ESR1: variants seen among roughly 807,000 people sequenced by gnomAD.
ESR1 encodes estrogen receptor.
A neutral mutation model predicts 52.7 loss-of-function variants in ESR1; 12 were observed. The observed-to-expected ratio is 0.23, with a 90% CI of 0.15 to 0.37. ESR1 has a LOEUF of 0.37. Ranked by LOEUF, ESR1 falls within the 10% of genes least tolerant of loss-of-function variation. The pLI is 1.00. For synonymous variants in ESR1, 305 were observed against 316.8 expected, an observed-to-expected ratio of 0.96 and a Z score of 0.39; for missense variants, 584 against 779.7, an observed-to-expected ratio of 0.75 and a Z score of 2.99.
chr6:151,776,834 C>T lies in ESR1; in HGVS notation c.-70-31009C>T, dbSNP rs531991844. Among the ~76,000 whole-genome samples, 14 of 149,258 alleles carry T rather than the reference C, an allele frequency of 9.4e-5. No homozygotes were observed. In the South Asian group the frequency reaches 1.7e-3, roughly 18 times the overall value. Reference sequence around the variant, plus strand: ...GCCTGGGCAACAAAGAGTGAAACTCCGTCTTAAAAAAAAAAAAAAGGAAAA... The same window carrying T: ...GCCTGGGCAACAAAGAGTGAAACTCTGTCTTAAAAAAAAAAAAAAGGAAAA... On this transcript the variant is annotated intron_variant, in intron 2 of 2. Coordinates refer to the ESR1 transcript ENST00000404742.
At chr6:151,817,572 C>A (rs1167107985) in intron 1 of ESR1, among the ~76,000 whole-genome samples, 1 of 152,180 alleles carries the variant, frequency 6.6e-6, no homozygotes, top group Admixed American at 6.5e-5. Context: ...AATTCTACTC[C>A]TCAGCTTTCC....
At chr6:152,012,837 T>G (rs2042889694) in intron 5 of ESR1, among the ~76,000 whole-genome samples, 1 of 152,218 alleles carries the variant, frequency 6.6e-6, no homozygotes, top group South Asian at 2.1e-4. Context: ...GCTGCCAGGC[T>G]GCCCACAGTG....
At position 152,094,703 on chromosome 6, in the gene ESR1, C is replaced by T. The variant is rs1585229961; in HGVS notation, c.1553+135C>T. 1 of 815,410 alleles carries T rather than the reference C, an allele frequency of 1.2e-6. No individual in the cohort carries two copies. The highest frequency in any genetic ancestry group is 2.0e-6 in the Non-Finnish European group (1 of 494,374). 50.5% of individuals were successfully genotyped at this position (815,410 alleles called of 1,614,324 possible). A position where few individuals can be genotyped will look rare whatever the true frequency, so the allele number is the denominator to read the frequency against. ...GTGACAGTTCCTGGCATAGAATAAG[C>T]ATAAATGCTATAGGAGGACAGAAGA... On this transcript the variant is annotated intron_variant, in intron 7 of 7. Coordinates refer to ENST00000206249, the MANE Select transcript of ESR1 (RefSeq NM_000125.4). The surrounding 1 kb of genome is among the most constrained non-coding windows in gnomAD (Gnocchi z 4.6).
chr6:151,887,939 G>A (rs927430898), intron 3 of ESR1, among the ~76,000 whole-genome samples: 1 of 152,138 alleles, frequency 6.6e-6, no homozygotes, highest in African/African-American at 2.4e-5. Context: ...ATTTATCAAA[G>A]AAACTGTCCT....
intron 5 of ESR1, among the ~76,000 whole-genome samples, chr6:152,051,743 C>T (rs2046696719): frequency 1.3e-5 from 2 of 152,162 alleles, no homozygotes; most frequent in South Asian, 4.2e-4. Context: ...CACAGGGAGT[C>T]CCTGGTTTTC....
At chr6:151,704,063 C>G (rs1000630200) in intron 2 of ESR1, among the ~76,000 whole-genome samples, 2 of 152,132 alleles carry the variant, frequency 1.3e-5, no homozygotes, top group Non-Finnish European at 2.9e-5. Flanking sequence ...ATATTTGGCT[C>G]TATTAATATT....
chr6:151,822,283 A>G (rs1335402534), intron 1 of ESR1, among the ~76,000 whole-genome samples: 1 of 152,230 alleles, frequency 6.6e-6, no homozygotes, highest in African/African-American at 2.4e-5. Flanking sequence ...TGAAGTTAGT[A>G]TGGACTTCTT....
chr6:152,079,017 G>A (rs1259538976), intron 6 of ESR1, among the ~76,000 whole-genome samples: 1 of 152,222 alleles, frequency 6.6e-6, no homozygotes, highest in East Asian at 1.9e-4. Flanking sequence ...GCTCAGCAAG[G>A]CCTACTGCCT....
At chr6:151,954,443 G>C (rs2036675642) in intron 4 of ESR1, among the ~76,000 whole-genome samples, 1 of 152,148 alleles carries the variant, frequency 6.6e-6, no homozygotes, top group African/African-American at 2.4e-5. Context: ...TAAATGAAGG[G>C]GAAATGTAAT....
At chr6:151,764,276 AT>A (rs895226332) in intron 2 of ESR1, among the ~76,000 whole-genome samples, 1 of 151,788 alleles carries the variant, frequency 6.6e-6, no homozygotes, top group African/African-American at 2.4e-5. Context: ...TTATTTATTT[AT>A]TTTTTTTCTG....
intron 4 of ESR1, among the ~76,000 whole-genome samples, chr6:152,007,655 T>TATC (rs1191141565): frequency 1.3e-5 from 2 of 152,134 alleles, no homozygotes; most frequent in African/African-American, 4.8e-5. Context: ...CACTTAGTCT[T>TATC]ATCAAACTAT....
intron 1 of ESR1, among the ~76,000 whole-genome samples, chr6:151,693,628 T>G (rs547235694): frequency 6.6e-6 from 1 of 151,414 alleles, no homozygotes; most frequent in African/African-American, 2.5e-5. Flanking sequence ...CTATGCTGAT[T>G]TTTTTTTGAG....
chr6:151,658,286 A>G (rs985512159), intron 1 of ESR1, among the ~76,000 whole-genome samples: 1 of 152,206 alleles, frequency 6.6e-6, no homozygotes, highest in Non-Finnish European at 1.5e-5. Flanking sequence ...CCTTTTCCGT[A>G]TCTCTAAATA....
rs144077743 is a variant in ESR1, at chr6:151,978,769, C to T, written c.1097-32887C>T. 1.8e-3 allele frequency among the ~76,000 whole-genome samples: 270 copies of T among 152,090 alleles called. 2 individuals carry two copies. Among genetic ancestry groups the T allele is most frequent in the Non-Finnish European group, 2.8e-3 (188 of 67,978 alleles). On this transcript the variant is annotated intron_variant, in intron 4 of 7. Transcript: ENST00000206249. ...TAAAATAGTGTACATTGTAAAATTA[C>T]ATTTCAAAAAAAGAGGGTAGTATAA...
chr6:151,920,324 C>A (rs2128460486), intron 3 of ESR1, among the ~76,000 whole-genome samples: 2 of 149,278 alleles, frequency 1.3e-5, no homozygotes, highest in African/African-American at 4.9e-5. Flanking sequence ...TTGAAGAAAG[C>A]AAACTTTAAA....
intron 4 of ESR1, among the ~76,000 whole-genome samples, chr6:151,953,872 T>C (rs928923316): frequency 6.6e-6 from 1 of 152,118 alleles, no homozygotes; most frequent in African/African-American, 2.4e-5. Flanking sequence ...CATACCACTT[T>C]TATGTTATTG....
At chr6:151,806,555 T>TATATATATATATATATATATATATAC (rs1408302409), upstream of ESR1, among the ~76,000 whole-genome samples, 1 of 142,684 alleles carries the variant, frequency 7.0e-6, no homozygotes, top group East Asian at 2.0e-4. Context: ...TATATATATA[T>TATATATATATATATATATATATATAC]ATACACATAT....
At chr6:152,049,667 A>C (rs2046514887) in intron 5 of ESR1, among the ~76,000 whole-genome samples, 1 of 152,174 alleles carries the variant, frequency 6.6e-6, no homozygotes, top group Non-Finnish European at 1.5e-5. Flanking sequence ...ACTCTTGTAA[A>C]GTTGAGGTTC....
At chr6:152,031,683 G>A (rs1426295597) in intron 5 of ESR1, among the ~76,000 whole-genome samples, 34 of 151,162 alleles carry the variant, frequency 2.2e-4, no homozygotes, top group Admixed American at 1.8e-3. Flanking sequence ...AGGACCAGAC[G>A]GATTCACAGC....
Sources: allele counts gnomAD v4.1 joint callset (sites outside exome capture counted in the v4.1 genomes callset), GRCh38; gene constraint gnomAD v4.1.1; non-coding constraint Gnocchi (gnomAD v3.1); transcripts MANE v1.5; gene names NCBI Gene and HGNC (gene_info 2026-07-23, HGNC 2026-07-21).